PDE3B: variants seen among roughly 807,000 people sequenced by gnomAD.
PDE3B encodes phosphodiesterase 3B.
Under a neutral mutation model 116.8 loss-of-function variants are expected in PDE3B, and 66 were observed. The ratio of observed to expected loss-of-function variants is 0.56; its 90% CI spans 0.46 to 0.69. The LOEUF (loss-of-function observed/expected upper bound fraction) is 0.69. Ranked by LOEUF, PDE3B falls within the 30% of genes least tolerant of loss-of-function variation. The probability of loss-of-function intolerance (pLI) is 0.00; values close to 1 mark genes in which losing one functional copy is unlikely to be tolerated. For missense variants in PDE3B, 1,384 were observed against 1,368.1 expected (o/e 1.01, Z -0.18); for synonymous variants, 595 against 533.6 (o/e 1.12, Z -1.59).
At chr11:14,892,077 C>A in the PDE3B span, 4 of 1,611,804 alleles carry the variant, frequency 2.5e-6, no homozygotes, top group Non-Finnish European at 2.5e-6. Flanking sequence ...GCAGCCCCGG[C>A]GGCCCCGGGG....
chr11:14,877,521 C>G, the PDE3B span: 1 of 151,922 alleles, frequency 6.6e-6, no homozygotes, highest in Non-Finnish European at 1.5e-5. Context: ...TCACACAGAC[C>G]CTCATTTATA....
At chr11:14,798,512 G>A (rs569019371) in intron 4 of PDE3B, among the ~76,000 whole-genome samples, 1 of 152,132 alleles carries the variant, frequency 6.6e-6, no homozygotes, top group African/African-American at 2.4e-5. Flanking sequence ...AATGGTACTA[G>A]CTCCTCTTTG....
chr11:14,733,271 T>A lies in PDE3B; in HGVS notation c.979-38666T>A, dbSNP rs868361669. Among the ~76,000 whole-genome samples, 4 of 152,220 alleles carry A rather than the reference T, an allele frequency of 2.6e-5. No individual in the cohort carries two copies. The South Asian group carries it at 8.3e-4, about 31-fold the overall frequency. On this transcript the variant is annotated intron_variant, in intron 1 of 15. Transcript: ENST00000282096. Reference sequence around the variant, plus strand: ...GTGAATGTTTTATCTTGTAAAAAGATATCTCAGCCCCTAGGATGGTCTACA... The same window carrying A: ...GTGAATGTTTTATCTTGTAAAAAGAAATCTCAGCCCCTAGGATGGTCTACA...
At chr11:14,790,626 G>T (rs537917969) in intron 4 of PDE3B, among the ~76,000 whole-genome samples, 1 of 152,014 alleles carries the variant, frequency 6.6e-6, no homozygotes, top group Non-Finnish European at 1.5e-5. Flanking sequence ...ACTCTGAAAA[G>T]TGTTTATTAT....
At chr11:14,690,720 G>A (rs555427700) in intron 1 of PDE3B, among the ~76,000 whole-genome samples, 7 of 151,932 alleles carry the variant, frequency 4.6e-5, no homozygotes, top group Admixed American at 1.3e-4. Flanking sequence ...GACAAATCAC[G>A]GATGGAGAAT....
chr11:14,786,431 T>C lies in PDE3B; in HGVS notation c.1030-6T>C. 3.7e-6 allele frequency: 6 copies of C among 1,607,674 alleles called. No homozygotes were observed. Among genetic ancestry groups the C allele is most frequent in the Non-Finnish European group, 5.1e-6 (6 of 1,175,610 alleles). The stretch of plus-strand genomic sequence containing the variant: ...TGAATGAAAATTTCACTTTTTTTCT[T>C]TCTAGAATTCTGGAGGTGGAAATGG... On this transcript the variant is annotated splice_polypyrimidine_tract_variant and splice_region_variant and intron_variant, in intron 2 of 15. Transcript: ENST00000282096.
intron 1 of PDE3B, among the ~76,000 whole-genome samples, chr11:14,763,899 T>C (rs892953698): frequency 3.9e-5 from 6 of 152,150 alleles, no homozygotes; most frequent in African/African-American, 1.4e-4. Context: ...AATTACTAGC[T>C]GACATGTGGC....
intron 1 of PDE3B, among the ~76,000 whole-genome samples, chr11:14,756,142 G>C (rs1269676178): frequency 6.6e-6 from 1 of 152,076 alleles, no homozygotes; most frequent in African/African-American, 2.4e-5. Flanking sequence ...TTTCCATCTA[G>C]TGTTCTTTCT....
In PDE3B at chr11:14,671,793, C is replaced by T. The variant is rs575860707; in HGVS notation, c.978+26740C>T. ...CTGTAATCCTAGCTCTTTGGGAGGC[C>T]GAGATGGGAGGATTGCATGAGGCCA... On this transcript the variant is annotated intron_variant, in intron 1 of 15. Coordinates refer to ENST00000282096, the MANE Select transcript of PDE3B (RefSeq NM_000922.4). Among the ~76,000 whole-genome samples the T allele has an allele frequency of 4.0e-5, 6 of 151,190 alleles. No homozygotes were observed. The South Asian group carries it at 8.4e-4, about 21-fold the overall frequency.
chr11:14,841,984 AT>A (rs5789851), intron 11 of PDE3B, among the ~76,000 whole-genome samples: 10,757 of 150,998 alleles, frequency 0.071, 578 homozygotes, highest in East Asian at 0.25. Flanking sequence ...TAAAAATGTC[AT>A]TTTTTTTGTT....
At chr11:14,786,084 C>G (rs182555340) in intron 2 of PDE3B, among the ~76,000 whole-genome samples, 1 of 151,902 alleles carries the variant, frequency 6.6e-6, no homozygotes, top group Non-Finnish European at 1.5e-5. Flanking sequence ...GCTACAAAAC[C>G]TTGTCACTGT....
At position 14,867,766 on chromosome 11, in the gene PDE3B, T is replaced by C; in HGVS notation, c.3139+8T>C. On this transcript the variant is annotated splice_region_variant and intron_variant, in intron 15 of 15. Transcript: ENST00000282096. ...AAAACAATCTAAATCCAAGTAAGAA[T>C]ATAGGGACATTATAATTTATTTAAT... is the stretch of plus-strand genomic sequence containing the variant. 6.3e-7 allele frequency: 1 copy of C among 1,582,400 alleles called. No homozygotes were observed. The highest frequency in any genetic ancestry group is 8.7e-7 in the Non-Finnish European group (1 of 1,152,170).
At position 14,866,357 on chromosome 11, in the gene PDE3B, T is replaced by A. The variant is rs1848045825; in HGVS notation, c.2887-1149T>A. ...AACTTCTTTCTCATTCTGGTTATGC[T>A]ATTAAACTTTCTTCAGATATTGATG... On this transcript the variant is annotated intron_variant, in intron 14 of 15. Transcript: ENST00000282096. Among the ~76,000 whole-genome samples, 3 of 152,198 alleles carry A rather than the reference T, an allele frequency of 2.0e-5. No individual in the cohort carries two copies. In the South Asian group the frequency reaches 6.2e-4, roughly 31 times the overall value.
intron 1 of PDE3B, among the ~76,000 whole-genome samples, chr11:14,758,336 T>G (rs11023329): frequency 0.11 from 14,936 of 134,398 alleles, 977 homozygotes; most frequent in African/African-American, 0.21. Context: ...TCCAATTCTG[T>G]GAAGAAAGTC....
At position 14,825,625 on chromosome 11, in the gene PDE3B, C is replaced by A. The variant is rs567756254; in HGVS notation, c.1808-5073C>A. Among the ~76,000 whole-genome samples the A allele has an allele frequency of 1.5e-4, 23 of 152,012 alleles. No individual in the cohort carries two copies. The South Asian group carries it at 2.9e-3, about 19-fold the overall frequency. ...TGTATTCACCCAACACAGGAGTACC[C>A]AGATTTATAAAGCAAGTTCTTAGAG... On this transcript the variant is annotated intron_variant, in intron 7 of 15. Transcript: ENST00000282096.
Position 14,831,659 on chromosome 11 carries a change from T to C in PDE3B, c.1976T>C (p.Leu659Pro), listed in dbSNP as rs1317806701. Residue 659 changes from leucine (L) to proline (P), a missense_variant, in exon 9 of 16, where the codon CTG becomes CCG. By Grantham distance (98) the Leu-to-Pro change is moderately conservative. Transcript: ENST00000282096. ...GTACAGATTGAACAGGAAGTATCAC[T>C]GGACCTGATTTTAGTAGAAGAGTAT... ...QQTNIEQEVS[L>P]DLILVEEYDS... The C allele has an allele frequency of 6.3e-7, 1 of 1,588,992 alleles. No individual in the cohort carries two copies. The highest frequency in any genetic ancestry group is 8.6e-7 in the Non-Finnish European group (1 of 1,165,274).
intron 1 of PDE3B, among the ~76,000 whole-genome samples, chr11:14,767,217 T>C (rs1857521405): frequency 6.6e-6 from 1 of 151,574 alleles, no homozygotes; most frequent in African/African-American, 2.4e-5. Flanking sequence ...TATGTTTTGT[T>C]TGAAAACTTT....
At chr11:14,894,853 C>T in the PDE3B span, among the ~76,000 whole-genome samples, 1 of 152,170 alleles carries the variant, frequency 6.6e-6, no homozygotes, top group Non-Finnish European at 1.5e-5. Flanking sequence ...TAATGTTTGT[C>T]TATGGCTTTT....
intron 7 of PDE3B, among the ~76,000 whole-genome samples, chr11:14,826,275 T>G (rs2133957674): frequency 6.6e-6 from 1 of 152,016 alleles, no homozygotes; most frequent in South Asian, 2.1e-4. Context: ...AAATCAGAGC[T>G]GAACTGAAGG....
Sources: gnomAD v4.1 joint callset for allele counts (sites outside exome capture counted in the v4.1 genomes callset) on GRCh38, gnomAD v4.1.1 for gene constraint, MANE v1.5 for transcripts, NCBI Gene and HGNC (gene_info 2026-07-23, HGNC 2026-07-21) for gene names.